TSNAX: variants seen among roughly 807,000 people sequenced by gnomAD.
TSNAX encodes the protein translin associated factor X.
In TSNAX, 12 loss-of-function variants were observed where a neutral mutation model predicts 33.0. The ratio of observed to expected loss-of-function variants is 0.36; its 90% confidence interval spans 0.23 to 0.59. The LOEUF (loss-of-function observed/expected upper bound fraction) is 0.59, where lower values mean the gene tolerates loss of function less well. TSNAX is among the 20% of genes least tolerant of loss of function. The probability of loss-of-function intolerance (pLI) is 0.74; values close to 1 mark genes in which losing one functional copy is unlikely to be tolerated. For synonymous variants in TSNAX, 110 were observed against 117.2 expected, an observed-to-expected ratio of 0.94 and a Z score of 0.40; for missense variants, 267 against 341.3, an observed-to-expected ratio of 0.78 and a Z score of 1.72.
At chr1:231,563,902 G>A (rs72756578) in intron 5 of TSNAX, among the ~76,000 whole-genome samples, 5,301 of 152,122 alleles carry the variant, frequency 0.035, 160 homozygotes, top group Non-Finnish European at 0.048. Context: ...AGACTCTGCA[G>A]TTGTGATTAC....
chr1:231,544,942 G>A (rs139599864), intron 4 of TSNAX, among the ~76,000 whole-genome samples: 2 of 151,890 alleles, frequency 1.3e-5, no homozygotes, highest in South Asian at 4.1e-4. Context: ...TCTCTTTTAG[G>A]CCTTCGTTTA....
chr1:231,529,596 A>T (rs564575722), intron 2 of TSNAX, among the ~76,000 whole-genome samples: 34 of 151,920 alleles, frequency 2.2e-4, no homozygotes, highest in African/African-American at 7.7e-4. Context: ...GTAAACATTA[A>T]TTAATATTTG....
chr1:231,532,185 C>G lies in TSNAX; in HGVS notation c.121+2826C>G, dbSNP rs1409719647. ...ACACACACACACACACACACACACA[C>G]AGTTTTGGTTTTTTTTTTTTTTTGG... On this transcript the variant is annotated intron_variant, in intron 2 of 5. Coordinates refer to ENST00000366639, the MANE Select transcript of TSNAX (RefSeq NM_005999.3). Among the ~76,000 whole-genome samples, 101 of 116,130 alleles carry G rather than the reference C, an allele frequency of 8.7e-4. 1 individual carries two copies. The highest frequency in any genetic ancestry group is 1.3e-3 in the African/African-American group (39 of 29,816). The allele number at this position is 116,130 out of a possible 152,430, so 76.2% of individuals were successfully genotyped here.
intron 2 of TSNAX, among the ~76,000 whole-genome samples, chr1:231,530,710 C>CA (rs59803472): frequency 0.025 from 1,807 of 73,100 alleles, 24 homozygotes; most frequent in East Asian, 0.042. Flanking sequence ...GGCTCCGTCT[C>CA]AAAAAAAAAA....
In TSNAX at chr1:231,564,542, A is replaced by G. The variant is rs139691651; in HGVS notation, c.510A>G (p.Ala170=). The G allele has an allele frequency of 6.2e-7, 1 of 1,612,094 alleles. No homozygotes were observed. The highest frequency in any genetic ancestry group is 8.5e-7 in the Non-Finnish European group (1 of 1,178,458). Residue 170 remains alanine, a synonymous_variant, in exon 6 of 6, where the codon GCA becomes GCG. Coordinates refer to ENST00000366639, the MANE Select transcript of TSNAX (RefSeq NM_005999.3). ...GKENKTPSSD[A]QDKQFGTWRL... ...TTTTTTACCAGCCCTCCTCTGATGC[A>G]CAGGATAAGCAGTTTGGTACTTGGA...
At chr1:231,543,032 G>A (rs547558971) in intron 4 of TSNAX, among the ~76,000 whole-genome samples, 18 of 152,070 alleles carry the variant, frequency 1.2e-4, no homozygotes, top group Non-Finnish European at 2.2e-4. Flanking sequence ...ACAAAACTTA[G>A]CCAGGTGCGT....
Position 231,529,329 on chromosome 1 carries a change from T to G in TSNAX, c.91T>G (p.Ser31Ala). The change falls in exon 2 of 6, where the codon TCA becomes GCA. Residue 31 changes from serine (S) to alanine (A), a missense_variant. Ser to Ala is a moderately conservative substitution (Grantham distance 99). Coordinates refer to ENST00000366639, the MANE Select transcript of TSNAX (RefSeq NM_005999.3). ...NQRREGKDVN[S>A]SSPVMLAFKS... ...AAGAAGAGAAGGGAAGGATGTTAAT[T>G]CATCTTCACCCGTGATGTTGGCCTT... 1.2e-6 allele frequency: 2 copies of G among 1,614,184 alleles called. No individual in the cohort carries two copies. Among genetic ancestry groups the G allele is most frequent in the South Asian group, 2.2e-5 (2 of 91,092 alleles).
intron 4 of TSNAX, among the ~76,000 whole-genome samples, chr1:231,555,208 A>G (rs1331949170): frequency 6.6e-6 from 1 of 152,240 alleles, no homozygotes. Flanking sequence ...TATGCATACA[A>G]TAGAATATTA....
intron 4 of TSNAX, among the ~76,000 whole-genome samples, chr1:231,549,415 G>A (rs572458085): frequency 1.3e-5 from 2 of 152,120 alleles, no homozygotes; most frequent in African/African-American, 2.4e-5. Flanking sequence ...GTGAGACTCC[G>A]TCCCCGCCCC....
intron 4 of TSNAX, among the ~76,000 whole-genome samples, chr1:231,559,577 C>T (rs563979906): frequency 4.9e-4 from 74 of 152,296 alleles, no homozygotes; most frequent in Non-Finnish European, 7.6e-4. Flanking sequence ...ACCCGCTGGC[C>T]TTGGCCTCCC....
At chr1:231,550,025 G>T (rs1198655064) in intron 4 of TSNAX, among the ~76,000 whole-genome samples, 3 of 152,090 alleles carry the variant, frequency 2.0e-5, no homozygotes, top group Non-Finnish European at 2.9e-5. Flanking sequence ...TTGTGCACAC[G>T]TGCACACACA....
rs1661434622 is a variant in TSNAX at position 231,566,293 on chromosome 1, T to C, written c.*1388T>C. 1 of 152,610 alleles carries C rather than the reference T, an allele frequency of 6.6e-6. No individual in the cohort carries two copies. The highest frequency in any genetic ancestry group is 6.5e-5 in the Admixed American group (1 of 15,282). 9.5% of individuals were successfully genotyped at this position (152,610 alleles called of 1,614,324 possible). On this transcript the variant is annotated 3_prime_UTR_variant, in exon 6 of 6. Coordinates refer to ENST00000366639, the MANE Select transcript of TSNAX (RefSeq NM_005999.3). ...GAATAACAATGGTAATCGTTAGTAA[T>C]ATTTAGAATTGGAATTTGCCTACTG...
In TSNAX at chr1:231,552,524, A is replaced by G. The variant is rs114689396; in HGVS notation, c.368-8604A>G. ...TAACATTTCAGTGATTGATTTGGTG[A>G]CGCTAACTTGTTTTAAAAATTCATG... On this transcript the variant is annotated intron_variant, in intron 4 of 5. Transcript: ENST00000366639. Among the ~76,000 whole-genome samples the G allele has an allele frequency of 6.2e-3, 925 of 148,370 alleles. 9 individuals carry two copies. The highest frequency in any genetic ancestry group is 0.023 in the African/African-American group (879 of 38,988).
At position 231,564,941 on chromosome 1, in the gene TSNAX, ACTC is replaced by A. The variant is rs1281599054; in HGVS notation, c.*39_*41del. The stretch of plus-strand genomic sequence containing the variant: ...TACTCAGTTACTAATTCTTTTGAGA[ACTC>A]CTAAGAGACCAATTTGTAAGACTTA... On this transcript the variant is annotated 3_prime_UTR_variant, in exon 6 of 6. Coordinates refer to ENST00000366639, the MANE Select transcript of TSNAX (RefSeq NM_005999.3). The A allele has an allele frequency of 6.3e-7, 1 of 1,586,006 alleles. No individual in the cohort carries two copies. The highest frequency in any genetic ancestry group is 8.6e-7 in the Non-Finnish European group (1 of 1,166,228).
chr1:231,560,763 AT>A (rs1003399746), intron 4 of TSNAX, among the ~76,000 whole-genome samples: 6 of 150,558 alleles, frequency 4.0e-5, no homozygotes, highest in African/African-American at 1.2e-4. Context: ...TCTTAAAAAA[AT>A]TTTTTTTCTG....
In TSNAX at chr1:231,530,965, T is replaced by G. The variant is rs559319615; in HGVS notation, c.121+1606T>G. On this transcript the variant is annotated intron_variant, in intron 2 of 5. Coordinates refer to ENST00000366639, the MANE Select transcript of TSNAX (RefSeq NM_005999.3). Reference sequence around the variant, plus strand: ...TGCTGAACTACAGTTTTTTGGTTTTTTTTTTTTTTTGAGACAGAGTCTCTG... The same window carrying G: ...TGCTGAACTACAGTTTTTTGGTTTTGTTTTTTTTTTGAGACAGAGTCTCTG... 3.6e-3 allele frequency among the ~76,000 whole-genome samples: 534 copies of G among 149,310 alleles called. 5 individuals are homozygous for G. The highest frequency in any genetic ancestry group is 0.013 in the African/African-American group (517 of 39,394).
At position 231,537,291 on chromosome 1, in the gene TSNAX, G is replaced by C. The variant is rs753202892; in HGVS notation, c.200G>C (p.Ser67Thr). 1 of 1,613,418 alleles carries C rather than the reference G, an allele frequency of 6.2e-7. No individual in the cohort carries two copies. Among genetic ancestry groups the C allele is most frequent in the Non-Finnish European group, 8.5e-7 (1 of 1,179,756 alleles). Reference sequence around the variant, plus strand: ...CTTAGTCGGGATATAACTGTTGAAAGTAAAAGGACAATTTTTCTCCTCCAT... The same window carrying C: ...CTTAGTCGGGATATAACTGTTGAAACTAAAAGGACAATTTTTCTCCTCCAT... ...VKLSRDITVE[S>T]KRTIFLLHRI... The change falls in exon 3 of 6, where the codon AGT (serine) becomes ACT (threonine). Residue 67 changes from serine to threonine, a missense_variant. Around this residue, in one of 2 missense-constraint regions of TSNAX, gnomAD observed 200 missense variants for 214.1 expected, o/e 0.93. Coordinates refer to ENST00000366639, the MANE Select transcript of TSNAX (RefSeq NM_005999.3).
rs115166712 is a variant in TSNAX, at chr1:231,562,544, G to A, written c.495+1289G>A. 5.3e-3 allele frequency among the ~76,000 whole-genome samples: 803 copies of A among 152,172 alleles called. 11 individuals carry two copies. Among genetic ancestry groups the A allele is most frequent in the African/African-American group, 0.018 (753 of 41,524 alleles). ...AGGTCTATTTGACCCTGCTTCTCAC[G>A]TGATATTAGGGAAGTTACCACACTT... is the stretch of plus-strand genomic sequence containing the variant. On this transcript the variant is annotated intron_variant, in intron 5 of 5. Transcript: ENST00000366639.
At chr1:231,561,962 T>C (rs969163977) in intron 5 of TSNAX, among the ~76,000 whole-genome samples, 2 of 152,164 alleles carry the variant, frequency 1.3e-5, no homozygotes, top group African/African-American at 4.8e-5. Context: ...TTCATAATGC[T>C]TATATCTGAA....
Sources: allele counts gnomAD v4.1 joint callset (sites outside exome capture counted in the v4.1 genomes callset), GRCh38; gene constraint gnomAD v4.1.1; regional missense constraint gnomAD v4.1.1; transcripts MANE v1.5; gene names NCBI Gene and HGNC (gene_info 2026-07-23, HGNC 2026-07-21).